Variants in KAZN observed in about 807,000 individuals in gnomAD.
The protein encoded by KAZN is kazrin.
In KAZN, 40 loss-of-function variants were observed where a neutral mutation model predicts 87.4. The ratio of observed to expected loss-of-function variants is 0.46; its 90% CI spans 0.36 to 0.60. KAZN has a LOEUF of 0.60. Among genes scored for constraint, KAZN ranks in the 20% least tolerant of loss-of-function variants. The pLI is 0.00. For synonymous variants in KAZN, 466 were observed against 458.3 expected (o/e 1.02, Z -0.22); for missense variants, 898 against 1,073.9 (o/e 0.84, Z 2.29).
chr1:14,942,260 G>A (rs1661184111), intron 1 of KAZN, among the ~76,000 whole-genome samples: 1 of 152,172 alleles, frequency 6.6e-6, no homozygotes, highest in African/African-American at 2.4e-5. Flanking sequence ...GCAGCCACAA[G>A]TGATCATGGC....
rs578077351 is a variant in KAZN at position 14,668,384 on chromosome 1, G to A, written c.226+69161G>A. On this transcript the variant is annotated intron_variant, in intron 1 of 14. Coordinates refer to ENST00000376030, the MANE Select transcript of KAZN (RefSeq NM_201628.3). ...TTTCCAGTCCTATGTGAAGTGGCAG[G>A]AAAAGGAATTTGGGCCCGTATCTCA... Among the ~76,000 whole-genome samples the A allele has an allele frequency of 2.4e-4, 37 of 152,226 alleles. 1 individual carries two copies. The Middle Eastern group carries it at 0.014, about 56-fold the overall frequency.
rs35057453 is a variant in KAZN, at chr1:14,956,299, G to GAAA, written c.227-4369_227-4367dup. Among the ~76,000 whole-genome samples the GAAA allele has an allele frequency of 1.6e-4, 16 of 99,584 alleles. 2 individuals carry two copies. The highest frequency in any genetic ancestry group is 6.7e-4 in the African/African-American group (15 of 22,320). 65.3% of individuals were successfully genotyped at this position (99,584 alleles called of 152,430 possible). On this transcript the variant is annotated intron_variant, in intron 1 of 14. Coordinates refer to ENST00000376030, the MANE Select transcript of KAZN (RefSeq NM_201628.3). ...GGTTGGAAGAGACCCAGAAGTCACT[G>GAAA]AAAAAAAAAAAAAAAAAAGACCCAG...
intron 1 of KAZN, among the ~76,000 whole-genome samples, chr1:14,834,733 G>A (rs1647169381): frequency 6.6e-6 from 1 of 152,138 alleles, no homozygotes; most frequent in Admixed American, 6.5e-5. Context: ...CCAGGCACTG[G>A]AAATATAAGA....
chr1:15,072,694 C>T (rs569532772), intron 8 of KAZN, among the ~76,000 whole-genome samples: 5 of 152,288 alleles, frequency 3.3e-5, no homozygotes, highest in East Asian at 3.9e-4. Flanking sequence ...CAAACCAAGG[C>T]GCAGAGAGGT....
intron 4 of KAZN, among the ~76,000 whole-genome samples, chr1:15,052,876 C>T (rs1384361070): frequency 6.6e-6 from 1 of 152,160 alleles, no homozygotes; most frequent in Admixed American, 6.5e-5. Flanking sequence ...TGGAAGATGC[C>T]ACTCCCAGGC....
intron 1 of KAZN, among the ~76,000 whole-genome samples, chr1:14,134,013 T>G (rs1482011067): frequency 6.6e-6 from 1 of 152,180 alleles, no homozygotes; most frequent in Non-Finnish European, 1.5e-5. Context: ...ATTAACACAT[T>G]CATGACATTA....
At chr1:14,335,203 C>CTTT (rs34934115) in intron 2 of KAZN, among the ~76,000 whole-genome samples, 9 of 131,340 alleles carry the variant, frequency 6.9e-5, no homozygotes, top group African/African-American at 2.5e-4. Flanking sequence ...GTCCTCCTTT[C>CTTT]TTTTTTTTTT....
chr1:14,215,754 G>T (rs563449305), intron 2 of KAZN, among the ~76,000 whole-genome samples: 7 of 152,240 alleles, frequency 4.6e-5, no homozygotes, highest in African/African-American at 1.4e-4. Context: ...GGGTGGATTT[G>T]AACCCAGGTC....
chr1:13,989,124 A>C (rs1008645692), intron 1 of KAZN, among the ~76,000 whole-genome samples: 1 of 152,106 alleles, frequency 6.6e-6, no homozygotes, highest in African/African-American at 2.4e-5. Context: ...TTTTGTAACA[A>C]ACTCGCTTCT....
intron 2 of KAZN, among the ~76,000 whole-genome samples, chr1:14,207,504 C>A (rs963030597): frequency 6.6e-6 from 1 of 152,178 alleles, no homozygotes; most frequent in Non-Finnish European, 1.5e-5. Flanking sequence ...CCTACACTTG[C>A]ACAATATGAT....
chr1:14,813,919 T>A (rs1264053065), intron 1 of KAZN, among the ~76,000 whole-genome samples: 1 of 152,192 alleles, frequency 6.6e-6, no homozygotes, highest in Admixed American at 6.5e-5. Flanking sequence ...CCCATACAAG[T>A]AGGCAGCACG....
intron 2 of KAZN, among the ~76,000 whole-genome samples, chr1:14,359,942 T>TTG (rs1250826762): frequency 1.3e-5 from 2 of 152,210 alleles, no homozygotes; most frequent in East Asian, 1.9e-4. Context: ...AGGAGTATCT[T>TTG]TGTGGTGGTA....
intron 1 of KAZN, among the ~76,000 whole-genome samples, chr1:13,940,885 A>G (rs1640903064): frequency 6.6e-6 from 1 of 152,150 alleles, no homozygotes; most frequent in Admixed American, 6.5e-5. Context: ...TCTGAAATGC[A>G]TCTATAATAT....
chr1:14,922,706 C>G (rs1374472491), intron 1 of KAZN, among the ~76,000 whole-genome samples: 5 of 150,668 alleles, frequency 3.3e-5, no homozygotes, highest in Admixed American at 2.0e-4. Flanking sequence ...GCAGGAGAAT[C>G]GCTTGAACCC....
intron 1 of KAZN, among the ~76,000 whole-genome samples, chr1:14,646,534 C>G (rs76751311): frequency 3.3e-4 from 50 of 152,116 alleles, no homozygotes; most frequent in African/African-American, 1.1e-3. Flanking sequence ...CTTTGTTGGG[C>G]TATGGCAGGG....
chr1:15,063,754 A>C, intron 7 of KAZN, 132 bp downstream of exon 7: 2 of 745,570 alleles, frequency 2.7e-6, no homozygotes, highest in Admixed American at 4.0e-5. Context: ...ACTTCCGCTG[A>C]GCCCACGTCC....
chr1:13,988,869 A>G (rs192805674), intron 1 of KAZN, among the ~76,000 whole-genome samples: 1 of 152,356 alleles, frequency 6.6e-6, no homozygotes, highest in Non-Finnish European at 1.5e-5. Flanking sequence ...CATTTTGCAG[A>G]CAATCTCAGG....
chr1:14,125,985 G>A (rs1340184697), intron 1 of KAZN, among the ~76,000 whole-genome samples: 4 of 151,454 alleles, frequency 2.6e-5, no homozygotes, highest in African/African-American at 7.3e-5. Flanking sequence ...TGGGAGTTGC[G>A]GGCAGCTCTT....
chr1:14,562,491 A>G (rs141463725), intron 2 of KAZN, among the ~76,000 whole-genome samples: 100 of 152,342 alleles, frequency 6.6e-4, no homozygotes, highest in African/African-American at 2.1e-3. Flanking sequence ...ATTGAGACCT[A>G]TTGCGGTGGA....
Sources: gnomAD v4.1 joint callset for allele counts (sites outside exome capture counted in the v4.1 genomes callset) on GRCh38, gnomAD v4.1.1 for gene constraint, MANE v1.5 for transcripts, NCBI Gene and HGNC (gene_info 2026-07-23, HGNC 2026-07-21) for gene names.